SIPA1L1: variants seen among roughly 807,000 people sequenced by gnomAD.
SIPA1L1 encodes the protein signal induced proliferation associated 1 like 1.
Under a neutral mutation model 162.7 loss-of-function variants are expected in SIPA1L1, and 26 were observed. The observed-to-expected ratio is 0.16, with a 90% CI of 0.12 to 0.22. SIPA1L1 has a LOEUF of 0.22. Among genes scored for constraint, SIPA1L1 ranks in the 10% least tolerant of loss-of-function variants. The pLI is 1.00. For missense variants in SIPA1L1, 1,874 were observed against 2,241.0 expected (o/e 0.84, Z 3.31); for synonymous variants, 829 against 837.4 (o/e 0.99, Z 0.17).
chr14:71,738,997 C>T (rs375981473), intron 23 of SIPA1L1, 21 bp from the exon 24 acceptor site: 4 of 1,609,716 alleles, frequency 2.5e-6, no homozygotes, highest in Non-Finnish European at 3.4e-6. Context: ...CTTAGCTTTT[C>T]TACTTCACTC....
chr14:71,549,547 A>C (rs929403057), intron 4 of SIPA1L1, among the ~76,000 whole-genome samples: 2 of 152,180 alleles, frequency 1.3e-5, no homozygotes, highest in African/African-American at 4.8e-5. Flanking sequence ...TCGTATTTTT[A>C]ATCACAAGTT....
intron 2 of SIPA1L1, among the ~76,000 whole-genome samples, chr14:71,498,127 T>C (rs2049933894): frequency 6.6e-6 from 1 of 152,270 alleles, no homozygotes; most frequent in Admixed American, 6.5e-5. Context: ...GCTATCTTTG[T>C]ACCTCTTTGG....
chr14:71,539,888 C>T (rs1424703582), intron 4 of SIPA1L1, among the ~76,000 whole-genome samples: 1 of 152,148 alleles, frequency 6.6e-6, no homozygotes, highest in African/African-American at 2.4e-5. Flanking sequence ...GAAAGCAGAA[C>T]TATTGTCTAT....
At chr14:71,627,132 T>C (rs1212773287) in intron 7 of SIPA1L1, among the ~76,000 whole-genome samples, 1 of 7,428 alleles carries the variant, frequency 1.3e-4, no homozygotes, top group East Asian at 3.2e-3. Flanking sequence ...CTTTCACTAC[T>C]TTTTTTTTTT....
rs562967778 is a variant in SIPA1L1, at chr14:71,658,315, TA to T, written c.1994-17del. On this transcript the variant is annotated splice_polypyrimidine_tract_variant and intron_variant, in intron 8 of 23. Coordinates refer to ENST00000381232, the MANE Select transcript of SIPA1L1 (RefSeq NM_001386936.1). ...TCCTGTTATAGTCATCTCATCATTA[TA>T]TTTTTTTTAACTGTAGCTGACTCCA... 159 of 1,243,086 alleles carry T rather than the reference TA, an allele frequency of 1.3e-4. No individual in the cohort carries two copies. In the African/African-American group the frequency reaches 1.5e-3, roughly 11 times the overall value. 77.0% of individuals were successfully genotyped at this position (1,243,086 alleles called of 1,614,324 possible). A position where few individuals can be genotyped will look rare whatever the true frequency, so the allele number is the denominator to read the frequency against.
At chr14:71,738,208 C>T (rs776359542) in intron 22 of SIPA1L1, 33 bp from the exon 23 acceptor site, 1 of 1,341,658 alleles carries the variant, frequency 7.5e-7, no homozygotes, top group South Asian at 1.3e-5. Context: ...ATGGAGGCCC[C>T]TGCCAACATG....
In SIPA1L1 at chr14:71,616,007, A is replaced by C. The variant is rs2038795178; in HGVS notation, c.1499-2750A>C. Among the ~76,000 whole-genome samples, 3 of 152,164 alleles carry C rather than the reference A, an allele frequency of 2.0e-5. No individual in the cohort carries two copies. In the South Asian group the frequency reaches 6.2e-4, roughly 32 times the overall value. On this transcript the variant is annotated intron_variant, in intron 5 of 23. Coordinates refer to ENST00000381232, the MANE Select transcript of SIPA1L1 (RefSeq NM_001386936.1). ...TGAGACTCTGTCTCAAAACAAACAC[A>C]TAAACAACAACAAAACCAAAAAAAG... is the stretch of plus-strand genomic sequence containing the variant.
intron 2 of SIPA1L1, among the ~76,000 whole-genome samples, chr14:71,363,539 A>G (rs2038002162): frequency 6.6e-6 from 1 of 152,194 alleles, no homozygotes; most frequent in South Asian, 2.1e-4. Flanking sequence ...CTAATTGATC[A>G]TGAGGTACTG....
chr14:71,335,733 G>A (rs2035026954), intron 2 of SIPA1L1, among the ~76,000 whole-genome samples: 1 of 152,182 alleles, frequency 6.6e-6, no homozygotes. Flanking sequence ...TTTTTGTTAG[G>A]TCTTCAGATT....
At chr14:71,333,488 T>C (rs151169001) in intron 2 of SIPA1L1, among the ~76,000 whole-genome samples, 77 of 152,364 alleles carry the variant, frequency 5.1e-4, no homozygotes, top group Non-Finnish European at 8.2e-4. Context: ...GATTCAGTTA[T>C]GCAAAGTAAA....
chr14:71,569,607 T>A (rs1367689505), intron 4 of SIPA1L1, among the ~76,000 whole-genome samples: 2 of 152,138 alleles, frequency 1.3e-5, no homozygotes, highest in Admixed American at 6.5e-5. Flanking sequence ...TCTGTCTGAT[T>A]TAAGAAGGAA....
intron 2 of SIPA1L1, among the ~76,000 whole-genome samples, chr14:71,507,061 T>C (rs1032689730): frequency 2.6e-5 from 4 of 152,236 alleles, no homozygotes; most frequent in South Asian, 2.1e-4. Context: ...TGCAGAGATA[T>C]TACGCTTATT....
At chr14:71,482,660 A>G (rs1486152352) in intron 2 of SIPA1L1, among the ~76,000 whole-genome samples, 1 of 152,158 alleles carries the variant, frequency 6.6e-6, no homozygotes, top group Non-Finnish European at 1.5e-5. Context: ...TACTTTTTTC[A>G]TAGGGATGAA....
In SIPA1L1 at chr14:71,532,020, GT is replaced by G. The variant is rs894886298; in HGVS notation, c.-303+2659del. On this transcript the variant is annotated intron_variant, in intron 4 of 23. Coordinates refer to ENST00000381232, the MANE Select transcript of SIPA1L1 (RefSeq NM_001386936.1). ...TTTACAACAATATAATTTCTGTTTT[GT>G]TTTTTTTTCTGGGTGCCATTTTTAC... 5.1e-3 allele frequency among the ~76,000 whole-genome samples: 751 copies of G among 148,226 alleles called. 9 individuals carry two copies. Among genetic ancestry groups the G allele is most frequent in the African/African-American group, 0.018 (709 of 40,346 alleles).
rs142616809 is a variant in SIPA1L1, at chr14:71,711,505, T to C, written c.4208+1841T>C. On this transcript the variant is annotated intron_variant, in intron 17 of 23. Coordinates refer to ENST00000381232, the MANE Select transcript of SIPA1L1 (RefSeq NM_001386936.1). The stretch of plus-strand genomic sequence containing the variant: ...AGGAGGATGCCTTTTTTTAAGAATG[T>C]CTTCCATCTGAAAATATTTCTCTGG... Among the ~76,000 whole-genome samples the C allele has an allele frequency of 1.5e-3, 223 of 152,360 alleles. 2 individuals are homozygous for C. The highest frequency in any genetic ancestry group is 5.2e-3 in the African/African-American group (218 of 41,590).
intron 2 of SIPA1L1, among the ~76,000 whole-genome samples, chr14:71,355,616 G>A (rs1464769034): frequency 3.9e-5 from 6 of 152,154 alleles, no homozygotes; most frequent in Non-Finnish European, 8.8e-5. Flanking sequence ...CAAATATCTT[G>A]CCAAGTTACT....
intron 12 of SIPA1L1, among the ~76,000 whole-genome samples, chr14:71,675,344 C>T (rs2045029283): frequency 1.3e-5 from 2 of 152,158 alleles, no homozygotes; most frequent in Non-Finnish European, 2.9e-5. Context: ...GACACAGGGC[C>T]CCTTTCACTA....
chr14:71,593,977 A>G (rs1227392160), intron 5 of SIPA1L1, among the ~76,000 whole-genome samples: 1 of 152,206 alleles, frequency 6.6e-6, no homozygotes, highest in Non-Finnish European at 1.5e-5. Flanking sequence ...ATTCCTTAAA[A>G]GAGGGACGAC....
At chr14:71,700,317 G>A (rs1290257874) in intron 14 of SIPA1L1, among the ~76,000 whole-genome samples, 1 of 151,676 alleles carries the variant, frequency 6.6e-6, no homozygotes, top group African/African-American at 2.4e-5. Flanking sequence ...GAAGATCCGT[G>A]GAGGCTGGGA....
Sources: gnomAD v4.1 joint callset for allele counts (sites outside exome capture counted in the v4.1 genomes callset) on GRCh38, gnomAD v4.1.1 for gene constraint, MANE v1.5 for transcripts, NCBI Gene and HGNC (gene_info 2026-07-23, HGNC 2026-07-21) for gene names.